Variants in SUMO2 observed in about 807,000 individuals in gnomAD.
The protein encoded by SUMO2 is small ubiquitin-related modifier 2.
In SUMO2, 1 loss-of-function variant was observed where a neutral mutation model predicts 16.0. The observed-to-expected ratio is 0.06, with a 90% CI of 0.02 to 0.30. SUMO2 has a LOEUF of 0.30. Among genes scored for constraint, SUMO2 ranks in the 10% least tolerant of loss-of-function variants. SUMO2 has a pLI of 1.00. For synonymous variants in SUMO2, 36 were observed against 40.6 expected, an observed-to-expected ratio of 0.89 and a Z score of 0.43; for missense variants, 16 against 117.5, an observed-to-expected ratio of 0.14 and a Z score of 3.99.
At chr17:75,172,406 G>A (rs904064436) in intron 3 of SUMO2, among the ~76,000 whole-genome samples, 18 of 146,270 alleles carry the variant, frequency 1.2e-4, no homozygotes, top group African/African-American at 2.3e-4. Flanking sequence ...TTTAATCTCC[G>A]CCTCTCGGGT....
At chr17:75,169,186 C>A (rs1033340958) in intron 3 of SUMO2, among the ~76,000 whole-genome samples, 1 of 151,726 alleles carries the variant, frequency 6.6e-6, no homozygotes, top group Admixed American at 6.6e-5. Context: ...GAACTGAGAC[C>A]ACACCAGCTC....
intron 2 of SUMO2, among the ~76,000 whole-genome samples, chr17:75,179,534 A>G (rs1302250389): frequency 1.3e-5 from 2 of 152,186 alleles, no homozygotes; most frequent in Admixed American, 1.3e-4. Flanking sequence ...TCTCAAAAAA[A>G]AAAAAAAAAA....
chr17:75,168,438 T>A, intron 3 of SUMO2, 37 bp from the exon 4 acceptor site: 1 of 1,557,340 alleles, frequency 6.4e-7, no homozygotes, highest in East Asian at 2.3e-5. Context: ...AAAGCACTGA[T>A]TAAGTTCTGA....
intron 2 of SUMO2, among the ~76,000 whole-genome samples, chr17:75,178,738 T>C (rs1464059402): frequency 6.6e-6 from 1 of 151,648 alleles, no homozygotes; most frequent in Non-Finnish European, 1.5e-5. Flanking sequence ...CCACCTAATT[T>C]TTTTTTAAGA....
rs961982130 is a variant in SUMO2, at chr17:75,168,503, G to C, written c.226-102C>G. The C allele has an allele frequency of 1.8e-5, 17 of 961,364 alleles. 2 individuals carry two copies. The South Asian group carries it at 3.0e-4, about 17-fold the overall frequency. The allele number at this position is 961,364 out of a possible 1,614,324, so 59.6% of individuals were successfully genotyped here. A position where few individuals can be genotyped will look rare whatever the true frequency, so the allele number is the denominator to read the frequency against. On this transcript the variant is annotated intron_variant, in intron 3 of 3. Transcript: ENST00000420826. ...TGAAAACATGTACATGTTCCACTAAGTTCCAAGTTTCATTATTTTAGATGT... is the reference window on the plus strand; with the variant it reads ...TGAAAACATGTACATGTTCCACTAACTTCCAAGTTTCATTATTTTAGATGT...
intron 3 of SUMO2, among the ~76,000 whole-genome samples, chr17:75,170,119 G>C: frequency 6.6e-6 from 1 of 152,034 alleles, no homozygotes; most frequent in East Asian, 1.9e-4. Flanking sequence ...GGAGGTTGCA[G>C]TGAGCCAAGA....
At chr17:75,181,258 A>T (rs1003367692) in intron 1 of SUMO2, 70 bp from the exon 2 acceptor site, 13 of 1,525,486 alleles carry the variant, frequency 8.5e-6, no homozygotes, top group Non-Finnish European at 1.1e-5. Flanking sequence ...AAGCAGCAGC[A>T]GCCCTAGTTG....
intron 3 of SUMO2, among the ~76,000 whole-genome samples, chr17:75,172,075 C>T (rs1177736753): frequency 6.6e-6 from 1 of 151,164 alleles, no homozygotes; most frequent in African/African-American, 2.4e-5. Flanking sequence ...GGCATGACCT[C>T]CGCGCTCACT....
chr17:75,170,053 T>C, intron 3 of SUMO2, among the ~76,000 whole-genome samples: 1 of 148,234 alleles, frequency 6.7e-6, no homozygotes, highest in East Asian at 2.1e-4. Flanking sequence ...CCTGCACGCC[T>C]GTAATCCCAG....
At chr17:75,177,988 C>CCA (rs755871175) in intron 2 of SUMO2, among the ~76,000 whole-genome samples, 1 of 66,400 alleles carries the variant, frequency 1.5e-5, no homozygotes, top group African/African-American at 6.8e-5. Flanking sequence ...GACTCCGTCT[C>CCA]AAAAAAAAAA....
intron 3 of SUMO2, among the ~76,000 whole-genome samples, chr17:75,174,163 G>T (rs899542878): frequency 6.6e-6 from 1 of 150,522 alleles, no homozygotes; most frequent in African/African-American, 2.5e-5. Flanking sequence ...GCCAAGGCGG[G>T]CGGATTACTT....
chr17:75,178,878 C>G (rs1364792432), intron 2 of SUMO2, among the ~76,000 whole-genome samples: 4 of 151,918 alleles, frequency 2.6e-5, no homozygotes, highest in African/African-American at 9.7e-5. Flanking sequence ...TCGCTTAAAA[C>G]TGGAAGGCGG....
At chr17:75,177,762 A>G (rs1304944954) in intron 2 of SUMO2, among the ~76,000 whole-genome samples, 1 of 151,778 alleles carries the variant, frequency 6.6e-6, no homozygotes, top group Admixed American at 6.6e-5. Context: ...AGGTGGCGAG[A>G]CGGGTGGGTC....
At chr17:75,177,262 G>A (rs1164744362) in intron 2 of SUMO2, among the ~76,000 whole-genome samples, 3 of 152,054 alleles carry the variant, frequency 2.0e-5, no homozygotes, top group East Asian at 3.9e-4. Flanking sequence ...AGTTATTCAA[G>A]AGGCTGAGGC....
intron 2 of SUMO2, among the ~76,000 whole-genome samples, chr17:75,177,299 G>C (rs2074790318): frequency 6.6e-6 from 1 of 152,018 alleles, no homozygotes; most frequent in South Asian, 2.1e-4. Flanking sequence ...CCCAGGAGCA[G>C]AGGTTGCAGT....
At chr17:75,174,064 G>A (rs2074762896) in intron 3 of SUMO2, among the ~76,000 whole-genome samples, 1 of 152,190 alleles carries the variant, frequency 6.6e-6, no homozygotes, top group East Asian at 1.9e-4. Context: ...ACACGTAAAA[G>A]AGAATTTCAA....
chr17:75,180,530 C>T (rs1031012905), intron 2 of SUMO2, among the ~76,000 whole-genome samples: 12 of 148,568 alleles, frequency 8.1e-5, no homozygotes, highest in African/African-American at 2.7e-4. Flanking sequence ...CTAGCCAATA[C>T]GGTGAAACCC....
chr17:75,177,836 T>TACAG (rs71159445), intron 2 of SUMO2, among the ~76,000 whole-genome samples: 14 of 151,392 alleles, frequency 9.2e-5, no homozygotes, highest in African/African-American at 3.4e-4. Context: ...CTACGAAAAA[T>TACAG]AAATTAGCCG....
intron 2 of SUMO2, among the ~76,000 whole-genome samples, chr17:75,175,757 C>T (rs1037525143): frequency 6.6e-6 from 1 of 151,566 alleles, no homozygotes; most frequent in African/African-American, 2.4e-5. Context: ...CTCAGCCTCC[C>T]GAGTAGCTGG....
Sources: gnomAD v4.1 joint callset for allele counts (sites outside exome capture counted in the v4.1 genomes callset) on GRCh38, gnomAD v4.1.1 for gene constraint, MANE v1.5 for transcripts, NCBI Gene and HGNC (gene_info 2026-07-23, HGNC 2026-07-21) for gene names.